The following NEK11 variants were observed in gnomAD, a reference collection of about 807,000 sequenced individuals.
NEK11 encodes NIMA related kinase 11, also known as serine/threonine-protein kinase Nek11.
Under a neutral mutation model 80.7 loss-of-function variants are expected in NEK11, and 72 were observed. The ratio of observed to expected loss-of-function variants is 0.89; its 90% confidence interval spans 0.74 to 1.08. NEK11 has a LOEUF of 1.08. Ranked by LOEUF, NEK11 falls within the 50% of genes least tolerant of loss-of-function variation. The pLI is 0.00. For missense variants in NEK11, 764 were observed against 763.6 expected (o/e 1.00, Z -0.01); for synonymous variants, 251 against 260.7 (o/e 0.96, Z 0.36).
chr3:131,161,848 T>TA (rs1005321197), intron 10 of NEK11, among the ~76,000 whole-genome samples: 1 of 152,156 alleles, frequency 6.6e-6, no homozygotes, highest in African/African-American at 2.4e-5. Flanking sequence ...AGTTAAAAAA[T>TA]AAAAAAATAA....
At chr3:131,303,668 GAT>G (rs1424254856) in intron 17 of NEK11, among the ~76,000 whole-genome samples, 1 of 152,066 alleles carries the variant, frequency 6.6e-6, no homozygotes, top group Admixed American at 6.6e-5. Context: ...AAAAATGCTG[GAT>G]ATAGGCCCCC....
chr3:131,139,484 A>G (rs1050835649), intron 7 of NEK11, among the ~76,000 whole-genome samples: 1 of 152,148 alleles, frequency 6.6e-6, no homozygotes, highest in Non-Finnish European at 1.5e-5. Flanking sequence ...ATTAAAAGGA[A>G]TAGTAACAGA....
intron 14 of NEK11, among the ~76,000 whole-genome samples, chr3:131,195,633 T>G (rs2093973029): frequency 6.6e-6 from 1 of 152,040 alleles, no homozygotes; most frequent in African/African-American, 2.4e-5. Context: ...GCCTGCTGTG[T>G]GCTGCACAAC....
At chr3:131,086,586 C>A (rs912618976) in intron 4 of NEK11, among the ~76,000 whole-genome samples, 2 of 152,146 alleles carry the variant, frequency 1.3e-5, no homozygotes, top group African/African-American at 4.8e-5. Context: ...TTTTAACATG[C>A]CCCTATCCTT....
chr3:131,131,860 A>G (rs1369053221), intron 5 of NEK11, among the ~76,000 whole-genome samples: 3 of 151,994 alleles, frequency 2.0e-5, no homozygotes, highest in African/African-American at 7.2e-5. Context: ...CCCTCTAAGC[A>G]CTGCTTTTGC....
chr3:131,079,363 C>T (rs912788193), intron 3 of NEK11, among the ~76,000 whole-genome samples: 1 of 152,034 alleles, frequency 6.6e-6, no homozygotes, highest in Non-Finnish European at 1.5e-5. Context: ...GGTTAAAGGG[C>T]CTAAAGAAAT....
chr3:131,118,359 TG>T (rs2081684996), intron 5 of NEK11, among the ~76,000 whole-genome samples: 1 of 152,234 alleles, frequency 6.6e-6, no homozygotes, highest in African/African-American at 2.4e-5. Flanking sequence ...CTTGATGTGC[TG>T]TTGGATTCAG....
In NEK11 at chr3:131,039,189, C is replaced by T. The variant is rs1251070171; in HGVS notation, c.170+9311C>T. 2.0e-5 allele frequency among the ~76,000 whole-genome samples: 3 copies of T among 151,708 alleles called. No individual in the cohort carries two copies. In the East Asian group the frequency reaches 5.8e-4, roughly 29 times the overall value. On this transcript the variant is annotated intron_variant, in intron 3 of 17. Transcript: ENST00000383366. The stretch of plus-strand genomic sequence containing the variant: ...TCTACCTTGTAGGTTTTTTTTCCTT[C>T]CCCTAAAAGGGCTTTTTTCATCGAG...
chr3:131,271,569 C>T (rs942436270), intron 16 of NEK11, among the ~76,000 whole-genome samples: 5 of 151,466 alleles, frequency 3.3e-5, no homozygotes, highest in Non-Finnish European at 4.4e-5. Flanking sequence ...CCGAGGCAGG[C>T]GGATCACCTC....
intron 17 of NEK11, among the ~76,000 whole-genome samples, chr3:131,314,270 A>C (rs937732162): frequency 1.3e-5 from 2 of 152,200 alleles, no homozygotes; most frequent in Non-Finnish European, 2.9e-5. Flanking sequence ...CTCATGGAAC[A>C]ACCATCAAGA....
intron 16 of NEK11, among the ~76,000 whole-genome samples, chr3:131,272,387 G>C (rs1013389496): frequency 6.7e-6 from 1 of 148,902 alleles, no homozygotes; most frequent in Admixed American, 6.7e-5. Context: ...AGGGAGGAAA[G>C]AGCAGCATAG....
chr3:131,174,457 C>T (rs2092890554), intron 14 of NEK11, among the ~76,000 whole-genome samples: 1 of 152,210 alleles, frequency 6.6e-6, no homozygotes, highest in South Asian at 2.1e-4. Context: ...AAAGCTCCTA[C>T]ACCAAACATT....
intron 5 of NEK11, among the ~76,000 whole-genome samples, chr3:131,120,103 G>T (rs2082108577): frequency 6.6e-6 from 1 of 152,168 alleles, no homozygotes; most frequent in East Asian, 1.9e-4. Context: ...GCATGTTTTT[G>T]CAGTGGCTGG....
chr3:131,108,337 A>C (rs2079524840), intron 4 of NEK11, among the ~76,000 whole-genome samples: 1 of 152,144 alleles, frequency 6.6e-6, no homozygotes, highest in South Asian at 2.1e-4. Flanking sequence ...TGTCATGAGT[A>C]GTCTATGACT....
At chr3:131,215,396 C>T (rs955983662) in intron 14 of NEK11, among the ~76,000 whole-genome samples, 3 of 151,536 alleles carry the variant, frequency 2.0e-5, no homozygotes, top group Non-Finnish European at 4.4e-5. Context: ...ACGTTGTGCA[C>T]ATGTACCCTA....
At chr3:131,035,897 C>T (rs114787073) in intron 3 of NEK11, among the ~76,000 whole-genome samples, 1,559 of 152,246 alleles carry the variant, frequency 0.01, 15 homozygotes, top group Non-Finnish European at 0.014. Context: ...GCCCTAAGAC[C>T]CAGTGTTTAT....
chr3:131,152,325 A>G, intron 7 of NEK11, 63 bp from the exon 8 acceptor site: 2 of 1,455,660 alleles, frequency 1.4e-6, no homozygotes, highest in Admixed American at 2.1e-5. Flanking sequence ...GAGGTTTTGT[A>G]TGATGAAAAA....
chr3:131,292,714 G>T (rs2096556422), intron 17 of NEK11, among the ~76,000 whole-genome samples: 1 of 151,870 alleles, frequency 6.6e-6, no homozygotes, highest in Non-Finnish European at 1.5e-5. Flanking sequence ...AATAAGTCTT[G>T]TTATCCATTA....
chr3:131,331,759 C>A (rs1408373976), intron 17 of NEK11, among the ~76,000 whole-genome samples: 1 of 152,212 alleles, frequency 6.6e-6, no homozygotes, highest in African/African-American at 2.4e-5. Context: ...TCACTCCCAC[C>A]CTAATACTGC....
Sources: allele counts gnomAD v4.1 joint callset (sites outside exome capture counted in the v4.1 genomes callset), GRCh38; gene constraint gnomAD v4.1.1; transcripts MANE v1.5; gene names NCBI Gene and HGNC (gene_info 2026-07-23, HGNC 2026-07-21).